KCNIP4: variants seen among roughly 807,000 people sequenced by gnomAD.
KCNIP4 encodes Kv channel-interacting protein 4.
In KCNIP4, 12 loss-of-function variants were observed where a neutral mutation model predicts 34.0. The ratio of observed to expected loss-of-function variants is 0.35; its 90% confidence interval spans 0.23 to 0.57. The LOEUF is 0.57. Ranked by LOEUF, KCNIP4 falls within the 20% of genes least tolerant of loss-of-function variation. The probability of loss-of-function intolerance (pLI) is 0.83; values close to 1 mark genes in which losing one functional copy is unlikely to be tolerated. For missense variants in KCNIP4, 238 were observed against 311.7 expected (o/e 0.76, Z 1.78); for synonymous variants, 124 against 102.2 (o/e 1.21, Z -1.29).
At chr4:21,646,532 C>T (rs4697224) in intron 1 of KCNIP4, among the ~76,000 whole-genome samples, 117,467 of 152,176 alleles carry the variant, frequency 0.77, 45,924 homozygotes, top group East Asian at 0.99. Context: ...AAATTTAGAT[C>T]TCCAATCAGA....
chr4:21,577,416 G>T (rs1236428805), intron 1 of KCNIP4, among the ~76,000 whole-genome samples: 7 of 152,026 alleles, frequency 4.6e-5, no homozygotes, highest in Admixed American at 4.6e-4. Flanking sequence ...GACCACCTGA[G>T]GTCAGGTGTT....
intron 1 of KCNIP4, among the ~76,000 whole-genome samples, chr4:21,636,668 A>C (rs1220328425): frequency 6.6e-6 from 1 of 152,184 alleles, no homozygotes; most frequent in African/African-American, 2.4e-5. Flanking sequence ...AACTCCCAAA[A>C]GGCACATAAC....
chr4:21,536,558 C>G (rs961498206), intron 1 of KCNIP4, among the ~76,000 whole-genome samples: 2 of 152,078 alleles, frequency 1.3e-5, no homozygotes, highest in African/African-American at 4.8e-5. Flanking sequence ...GCAGGCAGAT[C>G]GCTTGAGGCC....
Position 21,298,313 on chromosome 4 carries a change from A to G in KCNIP4, c.62-415604T>C, listed in dbSNP as rs570698527. ...TGATGACCATCTTCATCAAGCCTTAAAACCCAATTGATGCTTGTGTTATGC... is the reference window on the plus strand; with the variant it reads ...TGATGACCATCTTCATCAAGCCTTAGAACCCAATTGATGCTTGTGTTATGC... On this transcript the variant is annotated intron_variant, in intron 1 of 8. Coordinates refer to ENST00000382152, the MANE Select transcript of KCNIP4 (RefSeq NM_025221.6). Among the ~76,000 whole-genome samples the G allele has an allele frequency of 2.6e-5, 4 of 152,180 alleles. 1 individual carries two copies. In the South Asian group the frequency reaches 8.3e-4, roughly 32 times the overall value.
At chr4:21,197,402 T>C (rs1477935396) in intron 1 of KCNIP4, among the ~76,000 whole-genome samples, 3 of 152,208 alleles carry the variant, frequency 2.0e-5, no homozygotes, top group African/African-American at 7.2e-5. Flanking sequence ...AAGATTTATT[T>C]TGTCTTCAAT....
rs28695982 is a variant in KCNIP4 at position 21,422,975 on chromosome 4, G to A, written c.61+525596C>T. 6.0e-3 allele frequency among the ~76,000 whole-genome samples: 908 copies of A among 152,276 alleles called. 12 individuals carry two copies. Among genetic ancestry groups the A allele is most frequent in the African/African-American group, 0.021 (860 of 41,556 alleles). ...ACCATATCTAGAACCTTAGACTTCA[G>A]TAATGAATGCCATTACATACCAAGA... On this transcript the variant is annotated intron_variant, in intron 1 of 8. Transcript: ENST00000382152.
At chr4:21,398,452 A>C (rs1041651779) in intron 1 of KCNIP4, among the ~76,000 whole-genome samples, 39 of 152,214 alleles carry the variant, frequency 2.6e-4, no homozygotes, top group African/African-American at 9.2e-4. Context: ...AAAACACAAG[A>C]GTTTGATTAT....
At position 21,369,844 on chromosome 4, in the gene KCNIP4, C is replaced by T. The variant is rs1325058563; in HGVS notation, c.62-487135G>A. Among the ~76,000 whole-genome samples, 19 of 132,272 alleles carry T rather than the reference C, an allele frequency of 1.4e-4. 1 individual carries two copies. The highest frequency in any genetic ancestry group is 5.3e-4 in the Admixed American group (7 of 13,262). The allele number at this position is 132,272 out of a possible 152,430, so 86.8% of individuals were successfully genotyped here. A position where few individuals can be genotyped will look rare whatever the true frequency, so the allele number is the denominator to read the frequency against. The stretch of plus-strand genomic sequence containing the variant: ...TTTTTTTTTTTTTTTTTTTTTTAGA[C>T]GGAGTCTTGCTCAGTCACCCAGGCT... On this transcript the variant is annotated intron_variant, in intron 1 of 8. Transcript: ENST00000382152.
intron 6 of KCNIP4, 128 bp from the exon 7 acceptor site, chr4:20,732,913 A>G (rs1161206160): frequency 2.0e-5 from 12 of 605,364 alleles, no homozygotes; most frequent in Middle Eastern, 4.2e-4. Context: ...TCTTTGTTAG[A>G]CGACTGTTGG....
intron 1 of KCNIP4, among the ~76,000 whole-genome samples, chr4:20,925,879 G>A (rs1729851706): frequency 6.6e-6 from 1 of 152,130 alleles, no homozygotes; most frequent in African/African-American, 2.4e-5. Flanking sequence ...TTTCCGAGTG[G>A]AGTCACATAG....
chr4:20,918,198 C>G (rs1473754518), intron 1 of KCNIP4, among the ~76,000 whole-genome samples: 1 of 151,972 alleles, frequency 6.6e-6, no homozygotes, highest in Non-Finnish European at 1.5e-5. Flanking sequence ...AACCGTCAAG[C>G]AGATGAGGTG....
chr4:20,767,507 T>C (rs1381970986), intron 3 of KCNIP4: 2 of 152,202 alleles, frequency 1.3e-5, no homozygotes, highest in African/African-American at 4.8e-5. Context: ...CTAAGAAACA[T>C]ATTTTGTGAG....
intron 1 of KCNIP4, among the ~76,000 whole-genome samples, chr4:21,260,427 C>T (rs1455998106): frequency 3.3e-5 from 5 of 152,032 alleles, no homozygotes; most frequent in Non-Finnish European, 5.9e-5. Flanking sequence ...AACATTTTTG[C>T]GTTGTTTAGG....
chr4:21,431,438 CG>C (rs1726438755), intron 1 of KCNIP4, among the ~76,000 whole-genome samples: 1 of 152,012 alleles, frequency 6.6e-6, no homozygotes, highest in Non-Finnish European at 1.5e-5. Flanking sequence ...TTTGCTTTGA[CG>C]TCGACCCTTC....
intron 1 of KCNIP4, among the ~76,000 whole-genome samples, chr4:20,970,938 T>C (rs186599660): frequency 2.6e-5 from 4 of 152,266 alleles, no homozygotes; most frequent in African/African-American, 9.6e-5. Flanking sequence ...AGACATCAAG[T>C]GTTTAATGCA....
rs908226054 is a variant in KCNIP4, at chr4:21,297,201, A to T, written c.62-414492T>A. Among the ~76,000 whole-genome samples, 3 of 151,914 alleles carry T rather than the reference A, an allele frequency of 2.0e-5. No individual in the cohort carries two copies. The South Asian group carries it at 6.2e-4, about 32-fold the overall frequency. On this transcript the variant is annotated intron_variant, in intron 1 of 8. Transcript: ENST00000382152. ...GACCAGTTTTAAACCCAACCCAATC[A>T]ATCAGTGACATATATATTTGTTATA...
At chr4:21,556,300 T>C (rs1056750817) in intron 1 of KCNIP4, among the ~76,000 whole-genome samples, 4 of 152,100 alleles carry the variant, frequency 2.6e-5, no homozygotes, top group Non-Finnish European at 2.9e-5. Context: ...ATATATTAGG[T>C]ACATGATTCA....
intron 1 of KCNIP4, among the ~76,000 whole-genome samples, chr4:21,277,641 A>T (rs985426417): frequency 7.2e-5 from 11 of 152,228 alleles, no homozygotes; most frequent in Admixed American, 2.6e-4. Context: ...GCAAAGTCAG[A>T]GGTAAACAAT....
chr4:21,120,420 A>G (rs776576713), intron 1 of KCNIP4, among the ~76,000 whole-genome samples: 1 of 152,132 alleles, frequency 6.6e-6, no homozygotes, highest in Admixed American at 6.5e-5. Context: ...CTGTGTCTGT[A>G]TTAGTCTGTT....
Sources: gnomAD v4.1 joint callset for allele counts (sites outside exome capture counted in the v4.1 genomes callset) on GRCh38, gnomAD v4.1.1 for gene constraint, MANE v1.5 for transcripts, NCBI Gene and HGNC (gene_info 2026-07-23, HGNC 2026-07-21) for gene names.